Variants in XKR9 observed in about 807,000 individuals in gnomAD.
XKR9 encodes the protein XK related 9.
In XKR9, 32 loss-of-function variants were observed where a neutral mutation model predicts 32.0. The ratio of observed to expected loss-of-function variants is 1.00; its 90% CI spans 0.76 to 1.34. The LOEUF is 1.34. Among genes scored for constraint, XKR9 ranks in the 40% most tolerant of loss-of-function variants. The pLI, the probability that XKR9 is intolerant of heterozygous loss-of-function variation, is 0.00. For synonymous variants in XKR9, 168 were observed against 143.4 expected (o/e 1.17, Z -1.22); for missense variants, 546 against 429.7 (o/e 1.27, Z -2.39).
the XKR9 span, among the ~76,000 whole-genome samples, chr8:71,033,089 A>AG: frequency 2.6e-5 from 4 of 152,114 alleles, no homozygotes; most frequent in African/African-American, 9.7e-5. Context: ...TCTCAAAAAA[A>AG]AAAAAAAATC....
At chr8:70,772,597 A>T (rs1807468026) in intron 2 of XKR9, among the ~76,000 whole-genome samples, 1 of 152,204 alleles carries the variant, frequency 6.6e-6, no homozygotes, top group South Asian at 2.1e-4. Flanking sequence ...TTTAGAAATG[A>T]ATACTGTGTA....
chr8:70,947,068 A>T, the XKR9 span, among the ~76,000 whole-genome samples: 1 of 152,202 alleles, frequency 6.6e-6, no homozygotes, highest in Admixed American at 6.5e-5. Flanking sequence ...CAAAATGGAA[A>T]ATGGAAATGA....
chr8:71,046,584 T>G, the XKR9 span, among the ~76,000 whole-genome samples: 1 of 152,180 alleles, frequency 6.6e-6, no homozygotes, highest in African/African-American at 2.4e-5. Flanking sequence ...TCAAACAAAT[T>G]GCTGAAGTGG....
At chr8:70,958,593 C>T in the XKR9 span, among the ~76,000 whole-genome samples, 1 of 152,090 alleles carries the variant, frequency 6.6e-6, no homozygotes, top group Non-Finnish European at 1.5e-5. Flanking sequence ...GGTGGATATT[C>T]GACCTTTGTC....
chr8:70,678,942 C>T (rs531648146), intron 2 of XKR9, among the ~76,000 whole-genome samples: 8 of 152,114 alleles, frequency 5.3e-5, no homozygotes, highest in Admixed American at 2.6e-4. Context: ...ACTGGTCTGG[C>T]TGCCATAGCA....
the XKR9 span, among the ~76,000 whole-genome samples, chr8:70,874,003 C>G: frequency 1.3e-5 from 2 of 152,196 alleles, no homozygotes; most frequent in Admixed American, 1.3e-4. Context: ...TAACCCTCCA[C>G]TAACAAGAAG....
At chr8:70,843,499 G>C in the XKR9 span, among the ~76,000 whole-genome samples, 3 of 152,138 alleles carry the variant, frequency 2.0e-5, no homozygotes, top group Admixed American at 2.0e-4. Flanking sequence ...CCTCCAAGAA[G>C]AACCTAAATA....
intron 2 of XKR9, among the ~76,000 whole-genome samples, chr8:70,676,366 T>C (rs186531709): frequency 1.6e-4 from 24 of 152,348 alleles, no homozygotes; most frequent in Middle Eastern, 3.4e-3. Flanking sequence ...ATTATATCAT[T>C]GTCCTATTAA....
At chr8:70,794,849 G>GTGTGTGTA (rs1563483072), downstream of XKR9, among the ~76,000 whole-genome samples, 1 of 150,482 alleles carries the variant, frequency 6.6e-6, no homozygotes, top group Non-Finnish European at 1.5e-5. Context: ...GTGTGTGTGT[G>GTGTGTGTA]GTATATTTGT....
At chr8:70,948,979 G>A in the XKR9 span, among the ~76,000 whole-genome samples, 1 of 152,140 alleles carries the variant, frequency 6.6e-6, no homozygotes, top group Non-Finnish European at 1.5e-5. Flanking sequence ...GAAGTTTTCT[G>A]CTGCCACTAG....
the XKR9 span, among the ~76,000 whole-genome samples, chr8:70,966,650 C>T: frequency 6.6e-6 from 1 of 152,150 alleles, no homozygotes; most frequent in African/African-American, 2.4e-5. Flanking sequence ...TGATACAGAG[C>T]AGAGTTCAGG....
the XKR9 span, among the ~76,000 whole-genome samples, chr8:70,931,882 A>G: frequency 1.3e-5 from 2 of 152,196 alleles, no homozygotes; most frequent in African/African-American, 4.8e-5. Flanking sequence ...ATCCAGACCT[A>G]TGATCCAATT....
At chr8:70,878,971 C>A in the XKR9 span, among the ~76,000 whole-genome samples, 4 of 152,168 alleles carry the variant, frequency 2.6e-5, no homozygotes, top group African/African-American at 9.7e-5. Flanking sequence ...GACCACAGTA[C>A]AATCAAACTA....
the XKR9 span, among the ~76,000 whole-genome samples, chr8:70,822,824 A>C: frequency 2.0e-5 from 3 of 152,134 alleles, no homozygotes; most frequent in African/African-American, 7.2e-5. Flanking sequence ...GTTCCTAAAA[A>C]ACTCTAAGAA....
At chr8:70,772,850 G>C (rs967584091) in intron 2 of XKR9, among the ~76,000 whole-genome samples, 2 of 152,142 alleles carry the variant, frequency 1.3e-5, no homozygotes, top group African/African-American at 4.8e-5. Context: ...CTAGTTAGGT[G>C]TAAAGTAAAG....
the XKR9 span, among the ~76,000 whole-genome samples, chr8:70,849,578 A>G: frequency 6.6e-6 from 1 of 152,188 alleles, no homozygotes; most frequent in Non-Finnish European, 1.5e-5. Flanking sequence ...GTGCAAACAA[A>G]TTGAAAAGCT....
At chr8:70,992,824 C>T in the XKR9 span, among the ~76,000 whole-genome samples, 2 of 152,212 alleles carry the variant, frequency 1.3e-5, no homozygotes, top group Admixed American at 6.5e-5. Context: ...AGAGCACCTT[C>T]CCCTCAGAGG....
At chr8:70,882,985 A>C in the XKR9 span, among the ~76,000 whole-genome samples, 1 of 151,502 alleles carries the variant, frequency 6.6e-6, no homozygotes, top group South Asian at 2.1e-4. Flanking sequence ...ATGTTGTTTT[A>C]AAAATTTCAG....
chr8:70,845,792 A>G, the XKR9 span, among the ~76,000 whole-genome samples: 20 of 152,144 alleles, frequency 1.3e-4, no homozygotes, highest in Non-Finnish European at 2.2e-4. Context: ...ACCAAAGCCC[A>G]TGTGACATAT....
Sources: allele counts gnomAD v4.1 joint callset (sites outside exome capture counted in the v4.1 genomes callset), GRCh38; gene constraint gnomAD v4.1.1; transcripts MANE v1.5; gene names NCBI Gene and HGNC (gene_info 2026-07-23, HGNC 2026-07-21).